The following POFUT3 variants were observed in gnomAD, a reference collection of about 807,000 sequenced individuals.
POFUT3 encodes protein O-fucosyltransferase 3, also known as GDP-fucose protein O-fucosyltransferase 3.
the POFUT3 span, among the ~76,000 whole-genome samples, chr8:33,429,585 G>A: frequency 3.3e-5 from 5 of 152,044 alleles, no homozygotes; most frequent in African/African-American, 9.7e-5. Flanking sequence ...TGAGGGGGAG[G>A]GCAGATGGAG....
At chr8:33,343,331 C>T in the POFUT3 span, among the ~76,000 whole-genome samples, 1 of 152,112 alleles carries the variant, frequency 6.6e-6, no homozygotes, top group Non-Finnish European at 1.5e-5. Flanking sequence ...ACTGATTGCT[C>T]AAAGTTCTGT....
the POFUT3 span, among the ~76,000 whole-genome samples, chr8:33,370,084 C>G: frequency 1.4e-5 from 2 of 145,588 alleles, no homozygotes; most frequent in Non-Finnish European, 3.0e-5. Context: ...ATAATCCCAG[C>G]ACTTTAGGAG....
chr8:33,318,706 T>C, the POFUT3 span, among the ~76,000 whole-genome samples: 1 of 82,722 alleles, frequency 1.2e-5, no homozygotes, highest in Non-Finnish European at 2.1e-5. Context: ...ATTTATATAA[T>C]ATATAAATAT....
chr8:33,324,463 T>G, the POFUT3 span, among the ~76,000 whole-genome samples: 2 of 152,002 alleles, frequency 1.3e-5, no homozygotes, highest in South Asian at 4.2e-4. Context: ...CAAAACTCAC[T>G]TCCTAATTCA....
chr8:33,461,024 G>A, the POFUT3 span, among the ~76,000 whole-genome samples: 2 of 151,834 alleles, frequency 1.3e-5, no homozygotes, highest in African/African-American at 4.8e-5. Flanking sequence ...GCGTGGTAGC[G>A]GGTGCCTGTA....
chr8:33,353,414 C>CT, the POFUT3 span, among the ~76,000 whole-genome samples: 2 of 152,302 alleles, frequency 1.3e-5, no homozygotes, highest in South Asian at 4.1e-4. Context: ...GACTAAAAGT[C>CT]TTTTCCAAGG....
the POFUT3 span, among the ~76,000 whole-genome samples, chr8:33,399,587 A>T: frequency 6.6e-6 from 1 of 152,238 alleles, no homozygotes; most frequent in East Asian, 1.9e-4. Context: ...TAATATCAGC[A>T]TGTTATTCAG....
chr8:33,317,819 C>T, the POFUT3 span, among the ~76,000 whole-genome samples: 2 of 152,108 alleles, frequency 1.3e-5, no homozygotes, highest in Non-Finnish European at 2.9e-5. Context: ...CGCCTAGAGC[C>T]TCAGACTTGA....
chr8:33,350,713 T>C, the POFUT3 span, among the ~76,000 whole-genome samples: 20 of 152,184 alleles, frequency 1.3e-4, no homozygotes, highest in African/African-American at 4.6e-4. Context: ...ATTGATCATA[T>C]ATATATTTGC....
At chr8:33,358,461 G>T in the POFUT3 span, among the ~76,000 whole-genome samples, 1 of 152,220 alleles carries the variant, frequency 6.6e-6, no homozygotes, top group East Asian at 1.9e-4. Context: ...TCATCATGGG[G>T]CAATTAGAAA....
the POFUT3 span, among the ~76,000 whole-genome samples, chr8:33,378,561 T>C: frequency 6.6e-6 from 1 of 152,128 alleles, no homozygotes; most frequent in Non-Finnish European, 1.5e-5. Flanking sequence ...CCTGAGGCTG[T>C]GAAGACAACA....
chr8:33,454,563 C>T, the POFUT3 span, among the ~76,000 whole-genome samples: 28 of 152,184 alleles, frequency 1.8e-4, no homozygotes, highest in African/African-American at 6.0e-4. Flanking sequence ...GTGGACACAG[C>T]CTCCAAATAT....
the POFUT3 span, chr8:33,436,332 T>C: frequency 7.5e-7 from 1 of 1,334,406 alleles, no homozygotes; most frequent in Non-Finnish European, 1.1e-6. Flanking sequence ...CACTGCATCC[T>C]CTGCCCGCTC....
At chr8:33,442,246 T>C in the POFUT3 span, among the ~76,000 whole-genome samples, 2 of 151,198 alleles carry the variant, frequency 1.3e-5, no homozygotes, top group African/African-American at 2.4e-5. Flanking sequence ...ATTGCAGGCA[T>C]GAGCCACCAC....
the POFUT3 span, among the ~76,000 whole-genome samples, chr8:33,330,978 CAGTAGGA>C: frequency 6.6e-6 from 1 of 152,154 alleles, no homozygotes; most frequent in African/African-American, 2.4e-5. Flanking sequence ...CTTCCTAGAA[CAGTAGGA>C]AGTAGACATT....
chr8:33,309,437 T>C, the POFUT3 span, among the ~76,000 whole-genome samples: 1 of 150,976 alleles, frequency 6.6e-6, no homozygotes, highest in South Asian at 2.1e-4. Flanking sequence ...AAATGAGAGC[T>C]TGGTTGGAGA....
the POFUT3 span, among the ~76,000 whole-genome samples, chr8:33,419,992 G>C: frequency 6.6e-6 from 1 of 152,106 alleles, no homozygotes; most frequent in South Asian, 2.1e-4. Flanking sequence ...GCCAGGTGTG[G>C]TGGCACACTC....
At chr8:33,394,827 G>A in the POFUT3 span, among the ~76,000 whole-genome samples, 68 of 152,140 alleles carry the variant, frequency 4.5e-4, no homozygotes, top group East Asian at 6.2e-3. Flanking sequence ...CCTGCCTTTC[G>A]GATTTAAAAC....
At chr8:33,356,284 A>G in the POFUT3 span, among the ~76,000 whole-genome samples, 2 of 152,180 alleles carry the variant, frequency 1.3e-5, no homozygotes, top group Non-Finnish European at 1.5e-5. Context: ...TTACAGTCCC[A>G]CCAACAGTGT....
Sources: allele counts gnomAD v4.1 joint callset (sites outside exome capture counted in the v4.1 genomes callset), GRCh38; gene constraint gnomAD v4.1.1; transcripts MANE v1.5; gene names NCBI Gene and HGNC (gene_info 2026-07-23, HGNC 2026-07-21).